The following RBFOX1 variants were observed in gnomAD, a reference collection of about 807,000 sequenced individuals.
RBFOX1 encodes RNA binding protein fox-1 homolog 1.
In RBFOX1, 8 loss-of-function variants were observed where a neutral mutation model predicts 57.7. The observed-to-expected ratio is 0.14, with a 90% confidence interval of 0.08 to 0.25. The LOEUF is 0.25. Among genes scored for constraint, RBFOX1 ranks in the 10% least tolerant of loss-of-function variants. The pLI, the probability that RBFOX1 is intolerant of heterozygous loss-of-function variation, is 1.00. For synonymous variants in RBFOX1, 326 were observed against 222.4 expected, an observed-to-expected ratio of 1.47 and a Z score of -4.15; for missense variants, 611 against 548.5, an observed-to-expected ratio of 1.11 and a Z score of -1.14.
At chr16:7,085,112 TG>T (rs2059791550) in intron 4 of RBFOX1, among the ~76,000 whole-genome samples, 1 of 152,136 alleles carries the variant, frequency 6.6e-6, no homozygotes, top group African/African-American at 2.4e-5. Flanking sequence ...TGTGTGTGTG[TG>T]TTTGTGTGTG....
chr16:5,513,294 T>C (rs1280001983), intron 2 of RBFOX1, among the ~76,000 whole-genome samples: 5 of 152,148 alleles, frequency 3.3e-5, no homozygotes, highest in Non-Finnish European at 5.9e-5. Flanking sequence ...CATCCAGTGG[T>C]ATCTGTCTGA....
At chr16:5,985,385 C>T (rs2060266474) in intron 4 of RBFOX1, among the ~76,000 whole-genome samples, 1 of 151,982 alleles carries the variant, frequency 6.6e-6, no homozygotes, top group South Asian at 2.1e-4. Context: ...TTAATTCAGT[C>T]CCTTCTCTCC....
At chr16:6,377,091 G>A (rs956013581) in intron 2 of RBFOX1, among the ~76,000 whole-genome samples, 1 of 151,502 alleles carries the variant, frequency 6.6e-6, no homozygotes, top group Admixed American at 6.6e-5. Flanking sequence ...TGGGCAACAT[G>A]GAAAAATTCC....
intron 4 of RBFOX1, among the ~76,000 whole-genome samples, chr16:7,264,990 A>T (rs1351865601): frequency 6.6e-6 from 1 of 152,212 alleles, no homozygotes; most frequent in African/African-American, 2.4e-5. Context: ...TGTAGAATCC[A>T]TTTGCGGTTT....
At chr16:6,650,925 C>A (rs1448166595) in intron 2 of RBFOX1, among the ~76,000 whole-genome samples, 2 of 152,038 alleles carry the variant, frequency 1.3e-5, no homozygotes, top group East Asian at 3.9e-4. Context: ...TTTTTGGAAA[C>A]AGAGTCTCAC....
intron 4 of RBFOX1, among the ~76,000 whole-genome samples, chr16:7,161,222 A>G (rs866557199): frequency 6.6e-6 from 1 of 152,192 alleles, no homozygotes; most frequent in Non-Finnish European, 1.5e-5. Flanking sequence ...GGTCATAGGC[A>G]GGTTCGTGGA....
In RBFOX1 at chr16:5,332,918, G is replaced by T. The variant is rs1414830296; in HGVS notation, c.219+92813G>T. ...ACTACACTAGAGGCCAGGTGGAGTGGCTCACACCTGTAATCCCAGCACTTT... is the reference window on the plus strand; with the variant it reads ...ACTACACTAGAGGCCAGGTGGAGTGTCTCACACCTGTAATCCCAGCACTTT... On this transcript the variant is annotated intron_variant, in intron 1 of 2. Coordinates refer to the RBFOX1 transcript ENST00000585867. Among the ~76,000 whole-genome samples, 4 of 152,220 alleles carry T rather than the reference G, an allele frequency of 2.6e-5. No homozygotes were observed. The East Asian group carries it at 7.7e-4, about 29-fold the overall frequency.
At chr16:6,529,887 G>C (rs985263698) in intron 2 of RBFOX1, among the ~76,000 whole-genome samples, 2 of 152,034 alleles carry the variant, frequency 1.3e-5, no homozygotes, top group African/African-American at 2.4e-5. Flanking sequence ...AACATGAGGT[G>C]ACTTTTTCTC....
chr16:5,813,886 G>A (rs566504466), intron 3 of RBFOX1, among the ~76,000 whole-genome samples: 1 of 152,232 alleles, frequency 6.6e-6, no homozygotes, highest in East Asian at 1.9e-4. Flanking sequence ...TGCTGACTTG[G>A]GACCCTGGAA....
intron 4 of RBFOX1, among the ~76,000 whole-genome samples, chr16:7,199,928 A>C (rs954056609): frequency 6.6e-6 from 1 of 151,378 alleles, no homozygotes; most frequent in African/African-American, 2.5e-5. Context: ...CAACAACAAC[A>C]ACAAAGAAAT....
chr16:7,561,508 A>G (rs988480035), intron 5 of RBFOX1, among the ~76,000 whole-genome samples: 1 of 152,238 alleles, frequency 6.6e-6, no homozygotes, highest in Middle Eastern at 3.2e-3. Flanking sequence ...TATCCTGACT[A>G]GTGTCAATTT....
At chr16:6,686,073 G>A (rs1477450010) in intron 3 of RBFOX1, among the ~76,000 whole-genome samples, 1 of 152,200 alleles carries the variant, frequency 6.6e-6, no homozygotes, top group African/African-American at 2.4e-5. Context: ...GCCCAGCGCT[G>A]TGCTCAGCAC....
intron 11 of RBFOX1, among the ~76,000 whole-genome samples, chr16:7,650,675 C>G (rs774085653): frequency 2.0e-5 from 3 of 152,218 alleles, no homozygotes; most frequent in African/African-American, 4.8e-5. Flanking sequence ...GTCTGGCTCA[C>G]TCGGCTCCAT....
rs530090179 is a variant in RBFOX1 at position 6,620,651 on chromosome 16, T to C, written c.-63-33952T>C. On this transcript the variant is annotated intron_variant, in intron 2 of 15. Coordinates refer to ENST00000550418, the MANE Select transcript of RBFOX1 (RefSeq NM_018723.4). ...AGGTAGAAGATTCAAGTAAACATAATCAGAAATGACAAGGGGGAATATTAC... is the reference window on the plus strand; with the variant it reads ...AGGTAGAAGATTCAAGTAAACATAACCAGAAATGACAAGGGGGAATATTAC... 2.6e-5 allele frequency among the ~76,000 whole-genome samples: 4 copies of C among 151,080 alleles called. No individual in the cohort carries two copies. In the South Asian group the frequency reaches 8.3e-4, roughly 32 times the overall value.
intron 3 of RBFOX1, among the ~76,000 whole-genome samples, chr16:7,022,719 A>G (rs1356563290): frequency 3.3e-5 from 5 of 152,224 alleles, no homozygotes; most frequent in African/African-American, 9.6e-5. Context: ...AGGCAAAATG[A>G]GGAAAAACGA....
At chr16:6,733,655 G>T (rs1227518402) in intron 3 of RBFOX1, among the ~76,000 whole-genome samples, 1 of 152,160 alleles carries the variant, frequency 6.6e-6, no homozygotes, top group Non-Finnish European at 1.5e-5. Context: ...CTACTCAGGA[G>T]GCTGAGATGG....
At chr16:5,883,123 T>G (rs1460878554) in intron 4 of RBFOX1, among the ~76,000 whole-genome samples, 1 of 152,180 alleles carries the variant, frequency 6.6e-6, no homozygotes, top group Non-Finnish European at 1.5e-5. Flanking sequence ...TACAGTACTG[T>G]GTGTTATATT....
chr16:7,226,337 A>G (rs2093118518), intron 4 of RBFOX1, among the ~76,000 whole-genome samples: 1 of 152,202 alleles, frequency 6.6e-6, no homozygotes, highest in South Asian at 2.1e-4. Context: ...TCTTCAAAGA[A>G]GTGCAGTGTG....
At chr16:5,830,451 C>T (rs1335104142) in intron 3 of RBFOX1, among the ~76,000 whole-genome samples, 1 of 151,916 alleles carries the variant, frequency 6.6e-6, no homozygotes, top group Non-Finnish European at 1.5e-5. Flanking sequence ...ACAGACTCGC[C>T]ACTGAGGGAA....
Sources: allele counts gnomAD v4.1 joint callset (sites outside exome capture counted in the v4.1 genomes callset), GRCh38; gene constraint gnomAD v4.1.1; transcripts MANE v1.5; gene names NCBI Gene and HGNC (gene_info 2026-07-23, HGNC 2026-07-21).